The following KLHL14 variants were observed in gnomAD, a reference collection of about 807,000 sequenced individuals.
KLHL14 encodes kelch-like protein 14.
KLHL14 carries 22 observed loss-of-function variants against 64.3 expected under a neutral mutation model. The observed-to-expected ratio is 0.34, with a 90% CI of 0.24 to 0.49. The LOEUF is 0.49. Ranked by LOEUF, KLHL14 falls within the 20% of genes least tolerant of loss-of-function variation. The pLI is 0.99. For synonymous variants in KLHL14, 322 were observed against 333.4 expected (o/e 0.97, Z 0.37); for missense variants, 661 against 789.0 (o/e 0.84, Z 1.94).
intron 4 of KLHL14, among the ~76,000 whole-genome samples, chr18:32,690,904 G>A (rs549055170): frequency 5.3e-5 from 8 of 152,198 alleles, no homozygotes; most frequent in African/African-American, 1.9e-4. Flanking sequence ...AGTTTTATTT[G>A]GGGACATACA....
intron 2 of KLHL14, among the ~76,000 whole-genome samples, chr18:32,752,540 G>A (rs2050260254): frequency 6.6e-6 from 1 of 151,976 alleles, no homozygotes; most frequent in Non-Finnish European, 1.5e-5. Flanking sequence ...TTTTTCTTTG[G>A]ATGTCTCTGC....
At chr18:32,700,713 G>A (rs569226204) in intron 3 of KLHL14, among the ~76,000 whole-genome samples, 21 of 152,184 alleles carry the variant, frequency 1.4e-4, no homozygotes, top group African/African-American at 5.1e-4. Flanking sequence ...CACTAGTCAG[G>A]GGAAGCACAC....
At chr18:32,721,477 G>C (rs1159264095) in intron 3 of KLHL14, among the ~76,000 whole-genome samples, 1 of 152,128 alleles carries the variant, frequency 6.6e-6, no homozygotes, top group Non-Finnish European at 1.5e-5. Flanking sequence ...ATTATTTTAA[G>C]TTAATAATAC....
In KLHL14 at chr18:32,677,104, A is replaced by G. The variant is rs926680249; in HGVS notation, c.1746+69T>C. Reference sequence around the variant, plus strand: ...AAGGTACATGTGTGGAGGATAACACATTTGGAAGGATACAGAAAACGTAAG... The same window carrying G: ...AAGGTACATGTGTGGAGGATAACACGTTTGGAAGGATACAGAAAACGTAAG... On this transcript the variant is annotated intron_variant, in intron 8 of 8. Transcript: ENST00000359358. The G allele has an allele frequency of 2.4e-5, 36 of 1,500,826 alleles. No homozygotes were observed. In the African/African-American group the frequency reaches 4.6e-4, roughly 19 times the overall value. 93.0% of individuals were successfully genotyped at this position (1,500,826 alleles called of 1,614,324 possible). A position where few individuals can be genotyped will look rare whatever the true frequency, so the allele number is the denominator to read the frequency against.
chr18:32,711,607 C>G (rs1454469205), intron 3 of KLHL14, among the ~76,000 whole-genome samples: 1 of 152,148 alleles, frequency 6.6e-6, no homozygotes, highest in Non-Finnish European at 1.5e-5. Context: ...ATCTCTTACT[C>G]TTTAATAAAG....
intron 3 of KLHL14, among the ~76,000 whole-genome samples, chr18:32,741,696 C>T (rs184647204): frequency 1.5e-3 from 232 of 152,216 alleles, no homozygotes; most frequent in Non-Finnish European, 2.5e-3. Context: ...CATACAGAAA[C>T]GTAAACCAGT....
chr18:32,686,034 T>C (rs1234995910), intron 5 of KLHL14, among the ~76,000 whole-genome samples: 1 of 149,096 alleles, frequency 6.7e-6, no homozygotes, highest in East Asian at 2.0e-4. Context: ...TTTTTTGAGA[T>C]GGAGTCTTAC....
At chr18:32,724,676 GT>G (rs2144513786) in intron 3 of KLHL14, among the ~76,000 whole-genome samples, 1 of 152,318 alleles carries the variant, frequency 6.6e-6, no homozygotes, top group African/African-American at 2.4e-5. Flanking sequence ...GTGTATAGAA[GT>G]TCTTCGTCTA....
intron 3 of KLHL14, chr18:32,738,750 T>TC (rs1187438073): frequency 6.6e-6 from 1 of 152,178 alleles, no homozygotes; most frequent in Non-Finnish European, 1.5e-5. Context: ...GTTGGCCGAC[T>TC]ATTTGAATGT....
chr18:32,680,711 G>T lies in KLHL14; in HGVS notation c.1239-112C>A. 1 of 1,034,088 alleles carries T rather than the reference G, an allele frequency of 9.7e-7. No individual in the cohort carries two copies. 64.1% of individuals were successfully genotyped at this position (1,034,088 alleles called of 1,614,324 possible). A position where few individuals can be genotyped will look rare whatever the true frequency, so the allele number is the denominator to read the frequency against. On this transcript the variant is annotated intron_variant, in intron 5 of 8. Transcript: ENST00000359358. The surrounding 1 kb of genome is among the most constrained non-coding windows in gnomAD (Gnocchi z 4.8). ...AGGGAAAGGGGTGCATTCTGCTTCA[G>T]AAAGGGTTGCAAATCTTTAAAAATT...
At chr18:32,771,340 C>CA (rs1396552309) in intron 1 of KLHL14, among the ~76,000 whole-genome samples, 10 of 152,304 alleles carry the variant, frequency 6.6e-5, no homozygotes, top group Admixed American at 4.6e-4. Context: ...AGGACCCGCT[C>CA]AGTGGAATCG....
intron 2 of KLHL14, among the ~76,000 whole-genome samples, chr18:32,767,507 G>A (rs2050353255): frequency 6.6e-6 from 1 of 152,164 alleles, no homozygotes; most frequent in African/African-American, 2.4e-5. Flanking sequence ...GATTCTTGCA[G>A]CATCCATGAC....
At chr18:32,762,115 A>G (rs2050317623) in intron 2 of KLHL14, among the ~76,000 whole-genome samples, 1 of 152,132 alleles carries the variant, frequency 6.6e-6, no homozygotes, top group Non-Finnish European at 1.5e-5. Context: ...ACAACAAAAA[A>G]TCTTATTAAC....
At chr18:32,751,244 A>AT (rs1227939876) in intron 2 of KLHL14, among the ~76,000 whole-genome samples, 1 of 152,076 alleles carries the variant, frequency 6.6e-6, no homozygotes, top group Non-Finnish European at 1.5e-5. Flanking sequence ...TTCTCTTAAA[A>AT]TTTTCCAGCG....
chr18:32,720,081 G>A (rs1308348712), intron 3 of KLHL14, among the ~76,000 whole-genome samples: 3 of 152,218 alleles, frequency 2.0e-5, no homozygotes, highest in Non-Finnish European at 4.4e-5. Flanking sequence ...TACCAAAGAA[G>A]AGGCATGAGC....
chr18:32,736,737 C>G (rs990791851), intron 3 of KLHL14, among the ~76,000 whole-genome samples: 1 of 152,052 alleles, frequency 6.6e-6, no homozygotes. Context: ...TGTCTTTTGG[C>G]ATTCTCAATA....
chr18:32,714,561 G>A (rs1375009259), intron 3 of KLHL14, among the ~76,000 whole-genome samples: 1 of 152,152 alleles, frequency 6.6e-6, no homozygotes, highest in East Asian at 1.9e-4. Flanking sequence ...ATCTTTTTGT[G>A]TACTGTGAGA....
rs995201846 is a variant in KLHL14, at chr18:32,673,404, T to A, written c.*1253A>T. ...GAGGGCTTGAAAATCGAATGTGCAT[T>A]CCTGTCAGTTTTGTCCTTTTGGTTG... On this transcript the variant is annotated 3_prime_UTR_variant, in exon 9 of 9. Coordinates refer to ENST00000359358, the MANE Select transcript of KLHL14 (RefSeq NM_020805.3). 4 of 152,206 alleles carry A rather than the reference T, an allele frequency of 2.6e-5. No homozygotes were observed. The highest frequency in any genetic ancestry group is 9.7e-5 in the African/African-American group (4 of 41,438). The allele number at this position is 152,206 out of a possible 1,614,324, so 9.4% of individuals were successfully genotyped here.
At chr18:32,726,605 CAG>C (rs1225667541) in intron 3 of KLHL14, among the ~76,000 whole-genome samples, 1 of 151,628 alleles carries the variant, frequency 6.6e-6, no homozygotes, top group East Asian at 1.9e-4. Flanking sequence ...GCCAGGGTGA[CAG>C]AGCAAGACTG....
Sources: gnomAD v4.1 joint callset for allele counts (sites outside exome capture counted in the v4.1 genomes callset) on GRCh38, gnomAD v4.1.1 for gene constraint, Gnocchi (gnomAD v3.1) non-coding constraint, MANE v1.5 for transcripts, NCBI Gene and HGNC (gene_info 2026-07-23, HGNC 2026-07-21) for gene names.